Variants in CHLSN observed in about 807,000 individuals in gnomAD.
CHLSN encodes cholesin, also known as protein cholesin.
the CHLSN span, among the ~76,000 whole-genome samples, chr7:1,130,710 G>A: frequency 5.3e-4 from 81 of 152,328 alleles, no homozygotes; most frequent in East Asian, 1.9e-4. Context: ...TGTGGGCCCC[G>A]GGCGGGTGGG....
the CHLSN span, among the ~76,000 whole-genome samples, chr7:986,160 C>T: frequency 6.6e-6 from 1 of 152,146 alleles, no homozygotes; most frequent in Non-Finnish European, 1.5e-5. Flanking sequence ...TCGCGGACGC[C>T]CCAGGAAGGC....
chr7:1,081,769 G>A, the CHLSN span, among the ~76,000 whole-genome samples: 21 of 105,338 alleles, frequency 2.0e-4, no homozygotes, highest in Non-Finnish European at 3.9e-4. Flanking sequence ...CTGGGGGAGG[G>A]ACAGGGAGGC....
the CHLSN span, chr7:1,028,876 C>T: frequency 3.7e-6 from 3 of 804,736 alleles, no homozygotes; most frequent in Non-Finnish European, 4.5e-6. Flanking sequence ...CAATCTGCCC[C>T]ATCTCTCCCC....
At chr7:1,079,829 G>A in the CHLSN span, among the ~76,000 whole-genome samples, 7 of 152,338 alleles carry the variant, frequency 4.6e-5, no homozygotes, top group East Asian at 7.7e-4. Context: ...GAGAAGTGGC[G>A]CCCATGCTTT....
At chr7:1,021,786 G>A in the CHLSN span, among the ~76,000 whole-genome samples, 1,737 of 152,318 alleles carry the variant, frequency 0.011, 11 homozygotes, top group Non-Finnish European at 0.017. Context: ...GAAAGCATGC[G>A]GCAAAAATAC....
chr7:1,015,202 G>C, the CHLSN span, among the ~76,000 whole-genome samples: 1 of 152,184 alleles, frequency 6.6e-6, no homozygotes, highest in African/African-American at 2.4e-5. Flanking sequence ...ATTGTTTGGG[G>C]GGGCTGAGGG....
chr7:1,091,509 T>C, the CHLSN span: 2 of 527,890 alleles, frequency 3.8e-6, no homozygotes, highest in African/African-American at 3.8e-5. Flanking sequence ...CCTCCACGGA[T>C]GCACCATGCC....
At chr7:1,043,884 G>A in the CHLSN span, 2 of 152,244 alleles carry the variant, frequency 1.3e-5, no homozygotes, top group African/African-American at 4.8e-5. Flanking sequence ...CACATGCTTT[G>A]ATTTTCAGAA....
the CHLSN span, among the ~76,000 whole-genome samples, chr7:1,137,013 C>T: frequency 1.3e-5 from 2 of 152,162 alleles, no homozygotes; most frequent in Non-Finnish European, 2.9e-5. Context: ...ACTCCTAAAT[C>T]AGATGGTGTG....
At chr7:1,046,262 G>A in the CHLSN span, among the ~76,000 whole-genome samples, 1 of 152,124 alleles carries the variant, frequency 6.6e-6, no homozygotes, top group African/African-American at 2.4e-5. Flanking sequence ...AATAACTGCC[G>A]CCTGGCCTTT....
At chr7:1,045,528 A>G in the CHLSN span, 2 of 152,268 alleles carry the variant, frequency 1.3e-5, no homozygotes, top group Admixed American at 6.5e-5. Flanking sequence ...TTGTATGAGT[A>G]AAATGGTTCT....
chr7:980,421 C>T, the CHLSN span, among the ~76,000 whole-genome samples: 92 of 152,366 alleles, frequency 6.0e-4, no homozygotes, highest in African/African-American at 2.0e-3. Flanking sequence ...CTCTGCAGGG[C>T]GCTGGAGGTC....
At chr7:1,127,201 A>C in the CHLSN span, 19 of 1,532,070 alleles carry the variant, frequency 1.2e-5, no homozygotes, top group South Asian at 2.3e-4. Context: ...CTCCCTCCAG[A>C]TCAGATAACA....
chr7:1,040,182 T>TAAAAA, the CHLSN span, among the ~76,000 whole-genome samples: 77 of 96,096 alleles, frequency 8.0e-4, 2 homozygotes, highest in African/African-American at 3.0e-3. Context: ...AAAAATAAAT[T>TAAAAA]TAAAAAAAAA....
chr7:1,016,934 ACACGCCAGCACACGCCAGCG>A, the CHLSN span, among the ~76,000 whole-genome samples: 1 of 61,202 alleles, frequency 1.6e-5, no homozygotes, highest in Admixed American at 1.7e-4. Flanking sequence ...ACACAGCAGC[ACACGCCAGCACACGCCAGCG>A]CACAGCAGCA....
the CHLSN span, chr7:1,093,598 CAT>C: frequency 6.4e-6 from 3 of 471,104 alleles, no homozygotes; most frequent in African/African-American, 2.0e-5. Context: ...CAATTGCACT[CAT>C]GTGGACTGGG....
the CHLSN span, chr7:1,092,750 A>G: frequency 6.2e-7 from 1 of 1,613,682 alleles, no homozygotes; most frequent in East Asian, 2.2e-5. Flanking sequence ...TACATTGAGC[A>G]GAAAACAAAT....
At chr7:1,092,698 T>G in the CHLSN span, 7 of 1,613,496 alleles carry the variant, frequency 4.3e-6, no homozygotes, top group Non-Finnish European at 5.1e-6. Flanking sequence ...CCCCCTCATC[T>G]ACAGCTTTCT....
the CHLSN span, among the ~76,000 whole-genome samples, chr7:1,021,985 C>T: frequency 2.4e-4 from 37 of 152,328 alleles, no homozygotes; most frequent in Middle Eastern, 3.4e-3. Flanking sequence ...AAGCCCAAGT[C>T]CCTCGGCACA....
Sources: gnomAD v4.1 joint callset for allele counts (sites outside exome capture counted in the v4.1 genomes callset) on GRCh38, gnomAD v4.1.1 for gene constraint, MANE v1.5 for transcripts, NCBI Gene and HGNC (gene_info 2026-07-23, HGNC 2026-07-21) for gene names.